The following WDR59 variants were observed in gnomAD, a reference collection of about 807,000 sequenced individuals.
The protein encoded by WDR59 is GATOR2 complex protein WDR59.
WDR59 carries 100 observed loss-of-function variants against 131.2 expected under a neutral mutation model. That is an observed-to-expected ratio of 0.76 (90% CI 0.65 to 0.90). WDR59 has a LOEUF of 0.90. Ranked by LOEUF, WDR59 falls within the 40% of genes least tolerant of loss-of-function variation. The probability of loss-of-function intolerance (pLI) is 0.00; values close to 1 mark genes in which losing one functional copy is unlikely to be tolerated. For synonymous variants in WDR59, 601 were observed against 466.2 expected (o/e 1.29, Z -3.72); for missense variants, 1,203 against 1,262.2 (o/e 0.95, Z 0.71).
intron 8 of WDR59, chr16:74,930,892 C>CAAAAAAAAAAAAAAAAAAAAAAA (rs36074951): frequency 2.5e-5 from 2 of 79,628 alleles, no homozygotes; most frequent in African/African-American, 5.2e-5. Flanking sequence ...GACTCCATCT[C>CAAAAAAAAAAAAAAAAAAAAAAA]AAAAAAAAAA....
rs187461474 is a variant in WDR59, at chr16:74,899,018, C to T, written c.1866+4929G>A. Among the ~76,000 whole-genome samples, 32 of 152,256 alleles carry T rather than the reference C, an allele frequency of 2.1e-4. No homozygotes were observed. In the East Asian group the frequency reaches 3.1e-3, roughly 15 times the overall value. ...CAAATGAAATTTATACAAAGCCTCACGGCTGCCTTGCACAGCGTGAGGTCA... is the reference window on the plus strand; with the variant it reads ...CAAATGAAATTTATACAAAGCCTCATGGCTGCCTTGCACAGCGTGAGGTCA... On this transcript the variant is annotated intron_variant, in intron 18 of 25. Coordinates refer to ENST00000262144, the MANE Select transcript of WDR59 (RefSeq NM_030581.4).
chr16:74,964,379 C>CAAAAAAAAAAA (rs10626995), intron 2 of WDR59, among the ~76,000 whole-genome samples: 1 of 141,958 alleles, frequency 7.0e-6, no homozygotes. Flanking sequence ...AACATCATCT[C>CAAAAAAAAAAA]AAAAAAAAAA....
In WDR59 at chr16:74,912,048, G is replaced by T. The variant is rs770038562; in HGVS notation, c.1389+150C>A. 94 of 1,028,874 alleles carry T rather than the reference G, an allele frequency of 9.1e-5. 2 individuals are homozygous for T. Among genetic ancestry groups the T allele is most frequent in the Middle Eastern group, 6.2e-4 (2 of 3,234 alleles). 63.7% of individuals were successfully genotyped at this position (1,028,874 alleles called of 1,614,324 possible). A position where few individuals can be genotyped will look rare whatever the true frequency, so the allele number is the denominator to read the frequency against. ...TGATGTTTTCTGCACAAAGTAAATGGCAAGTTCAGAGGTTACGTTGCTAAT... is the reference window on the plus strand; with the variant it reads ...TGATGTTTTCTGCACAAAGTAAATGTCAAGTTCAGAGGTTACGTTGCTAAT... On this transcript the variant is annotated intron_variant, in intron 14 of 25. Coordinates refer to ENST00000262144, the MANE Select transcript of WDR59 (RefSeq NM_030581.4).
At chr16:74,903,275 T>C (rs1249239454) in intron 18 of WDR59, among the ~76,000 whole-genome samples, 1 of 152,232 alleles carries the variant, frequency 6.6e-6, no homozygotes, top group Non-Finnish European at 1.5e-5. Flanking sequence ...TCATGTCAGC[T>C]AGAAGTCTGT....
chr16:74,959,688 G>A, intron 2 of WDR59: 2 of 314,860 alleles, frequency 6.4e-6, no homozygotes, highest in South Asian at 5.5e-5. Context: ...AGGCTGAGAT[G>A]GGAGGATTGC....
chr16:74,926,372 G>A (rs2030815169), intron 8 of WDR59, among the ~76,000 whole-genome samples: 1 of 152,054 alleles, frequency 6.6e-6, no homozygotes, highest in African/African-American at 2.4e-5. Flanking sequence ...TATAATCATT[G>A]TTCCAGAGGA....
At chr16:74,893,458 C>G (rs1430457653) in intron 19 of WDR59, among the ~76,000 whole-genome samples, 2 of 152,128 alleles carry the variant, frequency 1.3e-5, no homozygotes, top group African/African-American at 2.4e-5. Flanking sequence ...CACAGAAAAG[C>G]TGTGTCCAGA....
intron 18 of WDR59, among the ~76,000 whole-genome samples, chr16:74,896,437 C>T (rs1458869102): frequency 6.6e-6 from 1 of 152,086 alleles, no homozygotes; most frequent in African/African-American, 2.4e-5. Flanking sequence ...GAGACCAGCC[C>T]GGCCCTGGCC....
chr16:74,941,824 A>G (rs1450463883), intron 7 of WDR59, among the ~76,000 whole-genome samples: 1 of 152,146 alleles, frequency 6.6e-6, no homozygotes, highest in Non-Finnish European at 1.5e-5. Context: ...AATGCAGCAG[A>G]CAGGATCTGC....
chr16:74,934,289 CTG>C (rs2031626250), intron 8 of WDR59, among the ~76,000 whole-genome samples: 1 of 151,974 alleles, frequency 6.6e-6, no homozygotes, highest in South Asian at 2.1e-4. Context: ...TGGCATATAA[CTG>C]TTAGCAAGAT....
At position 74,915,994 on chromosome 16, in the gene WDR59, G is replaced by A. The variant is rs1310002231; in HGVS notation, c.1100C>T (p.Ala367Val). 6.2e-7 allele frequency: 1 copy of A among 1,614,166 alleles called. No homozygotes were observed. The highest frequency in any genetic ancestry group is 8.5e-7 in the Non-Finnish European group (1 of 1,180,024). ...ATTTCTAGGGGGATCTTCTTTTAGG[G>A]CTAGCAGGAGAGAGAAGTTCAATGT... ...QHTASHGEEE[A>V]LKEDPPRNLL... The change falls in exon 13 of 26, where the codon GCC becomes GTC. Residue 367 changes from alanine (A) to valine (V), a missense_variant and splice_region_variant. Ala to Val is a moderately conservative substitution (Grantham distance 64). Transcript: ENST00000262144.
chr16:74,965,633 C>G (rs1360913611), intron 2 of WDR59, 140 bp downstream of exon 2: 1 of 982,764 alleles, frequency 1.0e-6, no homozygotes, highest in African/African-American at 1.6e-5. Flanking sequence ...CTCCGAGTAG[C>G]CCTGAGGCAA....
intron 4 of WDR59, among the ~76,000 whole-genome samples, chr16:74,950,812 G>A (rs926925541): frequency 2.6e-5 from 4 of 152,102 alleles, no homozygotes; most frequent in Admixed American, 1.3e-4. Context: ...AGGCACCACT[G>A]ATCATGAACT....
intron 25 of WDR59, among the ~76,000 whole-genome samples, chr16:74,882,607 C>A (rs12446147): frequency 0.15 from 22,512 of 151,578 alleles, 1,812 homozygotes; most frequent in Middle Eastern, 0.2. Flanking sequence ...ATTTTAGTAT[C>A]TCTACTAAAA....
chr16:74,958,678 C>T (rs1363337403), intron 2 of WDR59, among the ~76,000 whole-genome samples: 1 of 148,788 alleles, frequency 6.7e-6, no homozygotes, highest in Non-Finnish European at 1.5e-5. Flanking sequence ...CAAGTTGCTT[C>T]CCCCCAACTG....
intron 1 of WDR59, among the ~76,000 whole-genome samples, chr16:74,966,316 C>T (rs1164340114): frequency 1.3e-5 from 2 of 151,988 alleles, no homozygotes; most frequent in Non-Finnish European, 1.5e-5. Flanking sequence ...CCCAACTCTA[C>T]TAAAAATACA....
chr16:74,949,715 T>A lies in WDR59; in HGVS notation c.407+3A>T. 6.2e-7 allele frequency: 1 copy of A among 1,613,600 alleles called. No homozygotes were observed. The highest frequency in any genetic ancestry group is 8.5e-7 in the Non-Finnish European group (1 of 1,179,712). ...AGTGGTTATGCCTCCTAATTGTTCT[T>A]ACTTGATATCCCAAATGTAGATGTA... is the stretch of plus-strand genomic sequence containing the variant. On this transcript the variant is annotated splice_donor_region_variant and intron_variant, in intron 5 of 25. Coordinates refer to ENST00000262144, the MANE Select transcript of WDR59 (RefSeq NM_030581.4).
At chr16:74,890,299 T>C (rs945092255) in intron 20 of WDR59, among the ~76,000 whole-genome samples, 8 of 152,096 alleles carry the variant, frequency 5.3e-5, no homozygotes, top group Non-Finnish European at 1.2e-4. Context: ...CACAGGCATG[T>C]GCCACCACAC....
intron 17 of WDR59, chr16:74,908,668 G>GT (rs892775740): frequency 4.6e-5 from 18 of 395,220 alleles, no homozygotes; most frequent in African/African-American, 3.5e-4. Flanking sequence ...AATTTGCCTT[G>GT]TTTTGACAAT....
Sources: gnomAD v4.1 joint callset for allele counts (sites outside exome capture counted in the v4.1 genomes callset) on GRCh38, gnomAD v4.1.1 for gene constraint, MANE v1.5 for transcripts, NCBI Gene and HGNC (gene_info 2026-07-23, HGNC 2026-07-21) for gene names.